GSE1: variants seen among roughly 807,000 people sequenced by gnomAD.
GSE1 encodes the protein Gse1 coiled-coil protein, also known as genetic suppressor element 1.
A neutral mutation model predicts 112.6 loss-of-function variants in GSE1; 32 were observed. That is an observed-to-expected ratio of 0.28 (90% CI 0.21 to 0.38). GSE1 has a LOEUF of 0.38. GSE1 is among the 10% of genes least tolerant of loss of function. The pLI is 1.00. For missense variants in GSE1, 2,348 were observed against 1,699.2 expected (o/e 1.38, Z -6.71); for synonymous variants, 1,115 against 735.6 (o/e 1.52, Z -8.35).
intron 1 of GSE1, among the ~76,000 whole-genome samples, chr16:85,207,643 G>C (rs1678916163): frequency 6.6e-6 from 1 of 152,218 alleles, no homozygotes; most frequent in African/African-American, 2.4e-5. Flanking sequence ...GATGAGGCTG[G>C]GTTGAATCCC....
chr16:85,600,936 G>A (rs1446992832), intron 1 of GSE1, among the ~76,000 whole-genome samples: 1 of 152,174 alleles, frequency 6.6e-6, no homozygotes, highest in East Asian at 1.9e-4. Context: ...AGCTCAGTGA[G>A]CGCCTGGAAG....
chr16:85,634,055 T>G lies in GSE1; in HGVS notation c.149T>G (p.Leu50Arg). ...GGCAGCCCCGCCACCAGCAGCGCGCTGTCGGCCCAGGCCGCGCCATCCTCC... is the reference window on the plus strand; with the variant it reads ...GGCAGCCCCGCCACCAGCAGCGCGCGGTCGGCCCAGGCCGCGCCATCCTCC... Reference protein sequence around the residue: ...PSGSPATSSALSAQAAPSSSF... With the variant: ...PSGSPATSSARSAQAAPSSSF... The change falls in exon 2 of 16, where the codon CTG becomes CGG. Residue 50 changes from leucine to arginine, a missense_variant. Leu to Arg is a moderately radical substitution (Grantham distance 102, BLOSUM62 -2). Coordinates refer to ENST00000253458, the MANE Select transcript of GSE1 (RefSeq NM_014615.5). 6.2e-7 allele frequency: 1 copy of G among 1,608,712 alleles called. No homozygotes were observed. The highest frequency in any genetic ancestry group is 1.1e-5 in the South Asian group (1 of 90,686).
intron 1 of GSE1, among the ~76,000 whole-genome samples, chr16:85,274,442 G>GTAT (rs1051052825): frequency 6.7e-6 from 1 of 150,222 alleles, no homozygotes; most frequent in Non-Finnish European, 1.5e-5. Flanking sequence ...GTGTATTGAT[G>GTAT]TATTTATCGA....
intron 1 of GSE1, among the ~76,000 whole-genome samples, chr16:85,326,128 C>G (rs538289680): frequency 1.3e-5 from 2 of 152,232 alleles, no homozygotes; most frequent in South Asian, 4.2e-4. Flanking sequence ...TTAACAAGAT[C>G]CTTGACTGGA....
intron 1 of GSE1, among the ~76,000 whole-genome samples, chr16:85,177,887 A>G (rs2074499997): frequency 6.6e-6 from 1 of 152,200 alleles, no homozygotes; most frequent in African/African-American, 2.4e-5. Flanking sequence ...GACGAACTGC[A>G]GTCCTGCCTC....
chr16:85,557,882 CTA>C (rs1399785947), intron 1 of GSE1, among the ~76,000 whole-genome samples: 1 of 151,112 alleles, frequency 6.6e-6, no homozygotes, highest in Non-Finnish European at 1.5e-5. Flanking sequence ...CTGACCAGGT[CTA>C]TGTTTTTTTC....
intron 1 of GSE1, among the ~76,000 whole-genome samples, chr16:85,256,964 T>C (rs1907148625): frequency 6.6e-6 from 1 of 152,198 alleles, no homozygotes; most frequent in Admixed American, 6.5e-5. Flanking sequence ...AGGTTCTTTC[T>C]GTCACGATAC....
At chr16:85,385,609 A>C (rs9932762) in intron 2 of GSE1, among the ~76,000 whole-genome samples, 131,886 of 152,190 alleles carry the variant, frequency 0.87, 60,091 homozygotes, top group Non-Finnish European at 1. Context: ...GTCCCGTGGC[A>C]CCCCCAGGGC....
intron 1 of GSE1, among the ~76,000 whole-genome samples, chr16:85,317,007 C>A (rs1174866009): frequency 6.6e-6 from 1 of 152,198 alleles, no homozygotes; most frequent in Non-Finnish European, 1.5e-5. Flanking sequence ...AGGCCCCGTC[C>A]CTGCACTGCT....
chr16:85,415,311 C>T (rs1407587626), intron 2 of GSE1, among the ~76,000 whole-genome samples: 2 of 152,198 alleles, frequency 1.3e-5, no homozygotes, highest in South Asian at 2.1e-4. Context: ...AGTGTGTCCT[C>T]TTCATGTCTA....
intron 3 of GSE1, among the ~76,000 whole-genome samples, chr16:85,653,693 C>G (rs1222555140): frequency 1.3e-5 from 2 of 152,128 alleles, no homozygotes; most frequent in Non-Finnish European, 2.9e-5. Context: ...GCTCCAGGGC[C>G]AGGGCCACCC....
intron 1 of GSE1, among the ~76,000 whole-genome samples, chr16:85,273,756 C>A (rs1449486950): frequency 6.6e-6 from 1 of 151,626 alleles, no homozygotes; most frequent in East Asian, 1.9e-4. Context: ...GTGGTGCGAT[C>A]TCGGCTCACT....
chr16:85,600,694 G>A (rs1291730570), intron 1 of GSE1, among the ~76,000 whole-genome samples: 3 of 152,098 alleles, frequency 2.0e-5, no homozygotes, highest in African/African-American at 4.8e-5. Context: ...GCGTAGCATC[G>A]CAGATGTAGG....
At chr16:85,348,290 C>T (rs980976618) in intron 1 of GSE1, among the ~76,000 whole-genome samples, 3 of 136,068 alleles carry the variant, frequency 2.2e-5, no homozygotes, top group African/African-American at 8.3e-5. Flanking sequence ...TCCATCCATC[C>T]ACTGTTCATC....
chr16:85,180,497 G>C (rs772836098), intron 1 of GSE1, among the ~76,000 whole-genome samples: 3 of 152,266 alleles, frequency 2.0e-5, no homozygotes, highest in Non-Finnish European at 4.4e-5. Context: ...CAGTGTCAGT[G>C]GCAGCAGCAG....
chr16:85,191,221 C>T (rs979472925), intron 1 of GSE1, among the ~76,000 whole-genome samples: 1 of 152,184 alleles, frequency 6.6e-6, no homozygotes, highest in Non-Finnish European at 1.5e-5. Context: ...GATTGCACCA[C>T]TGCACTGCAG....
At chr16:85,223,656 G>C (rs1399765425) in intron 1 of GSE1, among the ~76,000 whole-genome samples, 1 of 151,934 alleles carries the variant, frequency 6.6e-6, no homozygotes, top group Non-Finnish European at 1.5e-5. Context: ...CCAGGCTGGA[G>C]TGCAGTGGCG....
intron 1 of GSE1, among the ~76,000 whole-genome samples, chr16:85,272,374 G>T (rs1023255003): frequency 1.3e-5 from 2 of 152,244 alleles, no homozygotes; most frequent in African/African-American, 2.4e-5. Flanking sequence ...ACTTTCTTCT[G>T]TTTCTGCCCT....
chr16:85,341,350 G>C (rs7197107), intron 1 of GSE1, among the ~76,000 whole-genome samples: 1 of 152,074 alleles, frequency 6.6e-6, no homozygotes, highest in Non-Finnish European at 1.5e-5. Flanking sequence ...CTACCATGCT[G>C]AGCTAATTTT....
Sources: gnomAD v4.1 joint callset for allele counts (sites outside exome capture counted in the v4.1 genomes callset) on GRCh38, gnomAD v4.1.1 for gene constraint, MANE v1.5 for transcripts, NCBI Gene and HGNC (gene_info 2026-07-23, HGNC 2026-07-21) for gene names.